The following AMOTL1 variants were observed in gnomAD, a reference collection of about 807,000 sequenced individuals.
AMOTL1 encodes angiomotin like 1, also known as angiomotin-like protein 1.
In AMOTL1, 45 loss-of-function variants were observed where a neutral mutation model predicts 102.9. That is an observed-to-expected ratio of 0.44 (90% CI 0.34 to 0.56). AMOTL1 has a LOEUF of 0.56. Ranked by LOEUF, AMOTL1 falls within the 20% of genes least tolerant of loss-of-function variation. AMOTL1 has a pLI of 0.01. For missense variants in AMOTL1, 1,114 were observed against 1,225.6 expected (o/e 0.91, Z 1.36); for synonymous variants, 481 against 484.7 (o/e 0.99, Z 0.10).
intron 3 of AMOTL1, among the ~76,000 whole-genome samples, chr11:94,761,711 C>A (rs1027907755): frequency 3.9e-5 from 6 of 152,132 alleles, no homozygotes; most frequent in African/African-American, 1.4e-4. Flanking sequence ...TGAGTTTATG[C>A]TGTAAAACAA....
intron 6 of AMOTL1, among the ~76,000 whole-genome samples, chr11:94,836,437 A>G (rs954054396): frequency 1.6e-4 from 24 of 152,150 alleles, no homozygotes; most frequent in African/African-American, 5.3e-4. Flanking sequence ...GCTCCACTAA[A>G]TGAGAGAACT....
chr11:94,861,333 T>C (rs184509764), intron 9 of AMOTL1, among the ~76,000 whole-genome samples: 445 of 152,318 alleles, frequency 2.9e-3, no homozygotes, highest in Non-Finnish European at 5.1e-3. Context: ...AAATGGTTTT[T>C]TTTTCAGCTT....
intron 3 of AMOTL1, among the ~76,000 whole-genome samples, chr11:94,758,161 G>C (rs1950749419): frequency 6.6e-6 from 1 of 152,134 alleles, no homozygotes; most frequent in African/African-American, 2.4e-5. Context: ...GGTTTTTTGA[G>C]GCTTTTGACA....
intron 3 of AMOTL1, chr11:94,741,075 T>TGAACTGCG: frequency 9.0e-7 from 1 of 1,106,034 alleles, no homozygotes; most frequent in African/African-American, 1.6e-5. Context: ...GGAACTCAGC[T>TGAACTGCG]AGGGATGGGG....
chr11:94,762,647 G>A (rs75493424), intron 3 of AMOTL1, among the ~76,000 whole-genome samples: 5,386 of 152,208 alleles, frequency 0.035, 398 homozygotes, highest in East Asian at 0.28. Flanking sequence ...CTCCATGTCG[G>A]AATCTTTATA....
upstream of AMOTL1, among the ~76,000 whole-genome samples, chr11:94,766,698 GT>G (rs1314293857): frequency 1.7e-4 from 26 of 152,316 alleles, no homozygotes; most frequent in African/African-American, 5.8e-4. Flanking sequence ...GGTTCACAAT[GT>G]GTAATACAAG....
exon 2 of AMOTL1, chr11:94,728,966 G>A: frequency 7.8e-7 from 1 of 1,288,930 alleles, no homozygotes; most frequent in Non-Finnish European, 1.0e-6. Flanking sequence ...CAAGGGGCTA[G>A]AAGCATGGAC....
At chr11:94,776,102 C>T (rs1404580066) in intron 1 of AMOTL1, among the ~76,000 whole-genome samples, 2 of 152,234 alleles carry the variant, frequency 1.3e-5, no homozygotes, top group Non-Finnish European at 2.9e-5. Context: ...TCCTGAACTT[C>T]TCCACCTTGG....
rs147692382 is a variant in AMOTL1, at chr11:94,798,795, C to G, written c.200-595C>G. ...TGGAGGCCGAATTAGGAGAGCATTG[C>G]AGGAAGAGGGTAACCAACCATGTCA... On this transcript the variant is annotated intron_variant, in intron 2 of 12. Coordinates refer to ENST00000433060, the MANE Select transcript of AMOTL1 (RefSeq NM_130847.3). 5.3e-5 allele frequency among the ~76,000 whole-genome samples: 8 copies of G among 152,158 alleles called. No individual in the cohort carries two copies. In the East Asian group the frequency reaches 1.4e-3, roughly 26 times the overall value.
At position 94,753,304 on chromosome 11, in the gene AMOTL1, TGC is replaced by T. The variant is rs3031878; in HGVS notation, c.136+12317_136+12318del. Among the ~76,000 whole-genome samples the T allele has an allele frequency of 4.3e-5, 6 of 141,008 alleles. No individual in the cohort carries two copies. The East Asian group carries it at 8.9e-4, about 21-fold the overall frequency. 92.5% of individuals were successfully genotyped at this position (141,008 alleles called of 152,430 possible). ...TATTATTCTCATCCTACTGCTTTCC[TGC>T]TTTTTTTTTTTTTTTTTTTCCTGTC... On this transcript the variant is annotated intron_variant, in intron 3 of 4. Transcript: ENST00000299004.
At chr11:94,834,403 C>T (rs766120286) in intron 6 of AMOTL1, among the ~76,000 whole-genome samples, 12 of 151,960 alleles carry the variant, frequency 7.9e-5, no homozygotes, top group Non-Finnish European at 1.6e-4. Flanking sequence ...CTGAATAACC[C>T]GGTGAAACCC....
At chr11:94,724,495 T>C (rs1014264716) in intron 1 of AMOTL1, among the ~76,000 whole-genome samples, 8 of 152,158 alleles carry the variant, frequency 5.3e-5, no homozygotes, top group African/African-American at 1.9e-4. Context: ...TGGAAAGTCA[T>C]GCATAAGGCA....
intron 7 of AMOTL1, among the ~76,000 whole-genome samples, chr11:94,850,624 C>T (rs935127076): frequency 3.3e-5 from 5 of 152,172 alleles, no homozygotes; most frequent in Non-Finnish European, 5.9e-5. Flanking sequence ...TTCCTTAAAG[C>T]CTGACTGAGG....
intron 1 of AMOTL1, among the ~76,000 whole-genome samples, chr11:94,786,566 CTTCTTTT>C (rs112301159): frequency 0.97 from 147,096 of 151,764 alleles, 71,402 homozygotes; most frequent in East Asian, 1. Flanking sequence ...GTGGTTGTTA[CTTCTTTT>C]TTCTTTTTTC....
At chr11:94,852,889 T>C (rs1282961562) in intron 7 of AMOTL1, among the ~76,000 whole-genome samples, 1 of 152,204 alleles carries the variant, frequency 6.6e-6, no homozygotes, top group East Asian at 1.9e-4. Context: ...CTAATTTCTC[T>C]ATTATAAATG....
chr11:94,832,470 C>T (rs1565372554), intron 6 of AMOTL1, among the ~76,000 whole-genome samples: 2 of 152,042 alleles, frequency 1.3e-5, no homozygotes, highest in Non-Finnish European at 2.9e-5. Flanking sequence ...CTTGTGTGTC[C>T]CCCAGATTGA....
At chr11:94,794,949 T>C (rs551735843) in intron 1 of AMOTL1, 62 bp from the exon 2 acceptor site, 1 of 1,502,314 alleles carries the variant, frequency 6.7e-7, no homozygotes, top group African/African-American at 1.4e-5. Flanking sequence ...TTCTTGTGAG[T>C]CACACAGGAA....
intron 3 of AMOTL1, among the ~76,000 whole-genome samples, chr11:94,761,791 T>C (rs988355298): frequency 1.3e-5 from 2 of 152,180 alleles, no homozygotes; most frequent in African/African-American, 4.8e-5. Flanking sequence ...TCCCCACTTC[T>C]CTGTCTTTCC....
chr11:94,722,840 T>C (rs1018754624), intron 1 of AMOTL1, among the ~76,000 whole-genome samples: 1 of 152,166 alleles, frequency 6.6e-6, no homozygotes, highest in Admixed American at 6.5e-5. Flanking sequence ...AAGAATAAAC[T>C]TTATGAGTTC....
Sources: gnomAD v4.1 joint callset for allele counts (sites outside exome capture counted in the v4.1 genomes callset) on GRCh38, gnomAD v4.1.1 for gene constraint, MANE v1.5 for transcripts, NCBI Gene and HGNC (gene_info 2026-07-23, HGNC 2026-07-21) for gene names.